The following SCMH1 variants were observed in gnomAD, a reference collection of about 807,000 sequenced individuals.
SCMH1 encodes the protein polycomb protein SCMH1.
SCMH1 carries 37 observed loss-of-function variants against 70.8 expected under a neutral mutation model. That is an observed-to-expected ratio of 0.52 (90% CI 0.40 to 0.69). SCMH1 has a LOEUF of 0.69. Ranked by LOEUF, SCMH1 falls within the 30% of genes least tolerant of loss-of-function variation. SCMH1 has a pLI of 0.00. For missense variants in SCMH1, 607 were observed against 827.3 expected (o/e 0.73, Z 3.27); for synonymous variants, 292 against 307.4 (o/e 0.95, Z 0.52).
chr1:41,167,118 T>C (rs1646461533), intron 2 of SCMH1, among the ~76,000 whole-genome samples: 1 of 152,182 alleles, frequency 6.6e-6, no homozygotes, highest in African/African-American at 2.4e-5. Context: ...TTTTTGTCCT[T>C]TATTCTGTTA....
intron 4 of SCMH1, among the ~76,000 whole-genome samples, chr1:41,155,797 C>T (rs1351160466): frequency 6.6e-6 from 1 of 151,834 alleles, no homozygotes; most frequent in Non-Finnish European, 1.5e-5. Context: ...GCCTGGCCAA[C>T]ATGATGAAAC....
intron 6 of SCMH1, among the ~76,000 whole-genome samples, chr1:41,119,523 C>T (rs1285716071): frequency 1.3e-5 from 2 of 152,008 alleles, no homozygotes; most frequent in East Asian, 1.9e-4. Flanking sequence ...TCCTTACCTA[C>T]CTGGCCTTGG....
At chr1:41,052,413 G>T (rs1364366467) in intron 10 of SCMH1, among the ~76,000 whole-genome samples, 1 of 152,220 alleles carries the variant, frequency 6.6e-6, no homozygotes, top group Non-Finnish European at 1.5e-5. Flanking sequence ...ATTAATGGCT[G>T]ATGATCTGAG....
chr1:41,148,042 A>G (rs1455208865), intron 5 of SCMH1, among the ~76,000 whole-genome samples: 2 of 152,188 alleles, frequency 1.3e-5, no homozygotes, highest in Non-Finnish European at 2.9e-5. Flanking sequence ...GTTTAAATAA[A>G]ACATTTTGCT....
At chr1:41,139,651 T>C (rs1386398289) in intron 6 of SCMH1, among the ~76,000 whole-genome samples, 1 of 152,160 alleles carries the variant, frequency 6.6e-6, no homozygotes, top group East Asian at 1.9e-4. Flanking sequence ...CAATGTCATA[T>C]TTAGGACATA....
intron 6 of SCMH1, among the ~76,000 whole-genome samples, chr1:41,121,933 G>C (rs1363413359): frequency 6.6e-6 from 1 of 152,010 alleles, no homozygotes; most frequent in Non-Finnish European, 1.5e-5. Context: ...TAATCAGCAA[G>C]TCTTGATGGC....
intron 1 of SCMH1, among the ~76,000 whole-genome samples, chr1:41,188,736 T>C (rs1650910017): frequency 6.6e-6 from 1 of 152,010 alleles, no homozygotes; most frequent in Non-Finnish European, 1.5e-5. Context: ...GAATTCTTCA[T>C]ATATTAAGAT....
intron 10 of SCMH1, among the ~76,000 whole-genome samples, chr1:41,058,134 AAG>A (rs1217814752): frequency 1.3e-5 from 2 of 149,850 alleles, no homozygotes; most frequent in Admixed American, 1.3e-4. Flanking sequence ...AAAAAAAAAA[AAG>A]AAAAAGAAAA....
chr1:41,052,125 G>C (rs1260226032), intron 10 of SCMH1, among the ~76,000 whole-genome samples: 1 of 152,176 alleles, frequency 6.6e-6, no homozygotes, highest in Non-Finnish European at 1.5e-5. Flanking sequence ...TGCTATACAG[G>C]TTTGTAGCCT....
chr1:41,142,452 G>C (rs925955501), intron 6 of SCMH1, among the ~76,000 whole-genome samples: 1 of 152,154 alleles, frequency 6.6e-6, no homozygotes, highest in Non-Finnish European at 1.5e-5. Flanking sequence ...CCAAGGACCA[G>C]GTGAGAATTA....
rs936097091 is a variant in SCMH1 at position 41,110,883 on chromosome 1, A to G, written c.745+2400T>C. 3.3e-5 allele frequency among the ~76,000 whole-genome samples: 5 copies of G among 152,232 alleles called. No homozygotes were observed. In the South Asian group the frequency reaches 1.0e-3, roughly 31 times the overall value. ...CCAAACTGTTTTCTAAAGTGGTTGC[A>G]GCATTTTCCAATCTCACCAGCAATG... On this transcript the variant is annotated intron_variant, in intron 8 of 14. Transcript: ENST00000337495.
At chr1:41,073,713 T>A (rs1276642127) in intron 9 of SCMH1, among the ~76,000 whole-genome samples, 2 of 151,968 alleles carry the variant, frequency 1.3e-5, no homozygotes, top group East Asian at 3.9e-4. Flanking sequence ...ATATTCTGAA[T>A]ATTTCCCAAG....
intron 1 of SCMH1, among the ~76,000 whole-genome samples, chr1:41,218,509 A>G (rs1217091071): frequency 6.6e-6 from 1 of 152,194 alleles, no homozygotes; most frequent in Non-Finnish European, 1.5e-5. Flanking sequence ...AAAGGCAAGA[A>G]AAGATTCTAC....
intron 2 of SCMH1, among the ~76,000 whole-genome samples, chr1:41,180,448 T>C (rs953874096): frequency 2.6e-5 from 4 of 152,180 alleles, no homozygotes; most frequent in Non-Finnish European, 5.9e-5. Flanking sequence ...GAGGACATGA[T>C]TGTATATCTA....
At chr1:41,055,684 T>C (rs1222421144) in intron 10 of SCMH1, among the ~76,000 whole-genome samples, 1 of 152,226 alleles carries the variant, frequency 6.6e-6, no homozygotes, top group Non-Finnish European at 1.5e-5. Flanking sequence ...TTCCTCCCTT[T>C]TGAAAAGAAA....
intron 10 of SCMH1, among the ~76,000 whole-genome samples, chr1:41,056,455 A>AT (rs34991027): frequency 0.13 from 19,732 of 147,376 alleles, 1,685 homozygotes; most frequent in East Asian, 0.28. Context: ...GTATACTGTC[A>AT]TTTTTTTTTT....
At chr1:41,142,510 GCAGATTTT>G (rs1644189270) in intron 6 of SCMH1, among the ~76,000 whole-genome samples, 1 of 152,188 alleles carries the variant, frequency 6.6e-6, no homozygotes, top group South Asian at 2.1e-4. Context: ...CTTTCTACTG[GCAGATTTT>G]CTCTCATTTC....
In SCMH1 at chr1:41,108,317, G is replaced by C. The variant is rs184202588; in HGVS notation, c.745+4966C>G. Among the ~76,000 whole-genome samples the C allele has an allele frequency of 5.8e-4, 89 of 152,298 alleles. 2 individuals carry two copies. The East Asian group carries it at 0.016, about 28-fold the overall frequency. ...AGCTTGGGTCTCATGTTGTCTCGCT[G>C]CTATCAATCCACATAGGGAGCTAAG... On this transcript the variant is annotated intron_variant, in intron 8 of 14. Transcript: ENST00000337495.
At chr1:41,131,645 C>T (rs1674743159) in intron 6 of SCMH1, among the ~76,000 whole-genome samples, 1 of 152,172 alleles carries the variant, frequency 6.6e-6, no homozygotes, top group Non-Finnish European at 1.5e-5. Context: ...TGTTGGTTTG[C>T]TGCACCCATC....
Sources: gnomAD v4.1 joint callset for allele counts (sites outside exome capture counted in the v4.1 genomes callset) on GRCh38, gnomAD v4.1.1 for gene constraint, MANE v1.5 for transcripts, NCBI Gene and HGNC (gene_info 2026-07-23, HGNC 2026-07-21) for gene names.